Variants in TRPM7 observed in about 807,000 individuals in gnomAD.
TRPM7 encodes the protein LTRPC ion channel family member 7.
Under a neutral mutation model 229.7 loss-of-function variants are expected in TRPM7, and 134 were observed. That is an observed-to-expected ratio of 0.58 (90% confidence interval 0.51 to 0.67). The LOEUF is 0.67. Among genes scored for constraint, TRPM7 ranks in the 30% least tolerant of loss-of-function variants. The pLI is 0.00. For synonymous variants in TRPM7, 699 were observed against 715.2 expected (o/e 0.98, Z 0.36); for missense variants, 1,901 against 2,210.0 (o/e 0.86, Z 2.80).
At chr15:50,640,251 A>G (rs1031901412) in intron 5 of TRPM7, among the ~76,000 whole-genome samples, 1 of 152,082 alleles carries the variant, frequency 6.6e-6, no homozygotes, top group African/African-American at 2.4e-5. Context: ...TCCAAAGAGC[A>G]TATAACTCCT....
intron 1 of TRPM7, among the ~76,000 whole-genome samples, chr15:50,682,173 C>CAAAAAAAAAAAAAAA (rs34590459): frequency 0.03 from 1,891 of 63,208 alleles, 182 homozygotes; most frequent in South Asian, 0.041. Context: ...AACTCAGTCT[C>CAAAAAAAAAAAAAAA]AAAAAAAAAA....
rs746401918 is a variant in TRPM7, at chr15:50,609,653, T to G, written c.2508A>C (p.Ser836=). 2 of 1,612,768 alleles carry G rather than the reference T, an allele frequency of 1.2e-6. No homozygotes were observed. The highest frequency in any genetic ancestry group is 2.2e-5 in the South Asian group (2 of 90,744). The change falls in exon 19 of 39, where the codon TCA becomes TCC. Residue 836 remains serine, a synonymous_variant. Transcript: ENST00000646667. ...GKNEMEIQMK[S]KKLPITRKFY... is the part of the protein sequence containing the mutation. ...ACTTTCGCGTAATTGGAAGCTTTTT[T>G]GATTTCATTTGTATCTCCATCTCAT...
chr15:50,619,073 T>C (rs138764749), intron 13 of TRPM7, among the ~76,000 whole-genome samples: 275 of 152,250 alleles, frequency 1.8e-3, no homozygotes, highest in African/African-American at 6.2e-3. Context: ...TTCAACATCC[T>C]TTACATTGGG....
rs2060059926 is a variant in TRPM7 at position 50,611,446 on chromosome 15, C to T, written c.2052-125G>A. 16 of 709,654 alleles carry T rather than the reference C, an allele frequency of 2.3e-5. No individual in the cohort carries two copies. In the South Asian group the frequency reaches 3.0e-4, roughly 13 times the overall value. The allele number at this position is 709,654 out of a possible 1,614,324, so 44.0% of individuals were successfully genotyped here. Reference sequence around the variant, plus strand: ...CACACACACTTACAGAATTATGAGGCATTAAAACCATAACTCTGTTTTCAG... The same window carrying T: ...CACACACACTTACAGAATTATGAGGTATTAAAACCATAACTCTGTTTTCAG... On this transcript the variant is annotated intron_variant, in intron 16 of 38. Transcript: ENST00000646667.
intron 1 of TRPM7, among the ~76,000 whole-genome samples, chr15:50,663,706 C>T (rs2061797156): frequency 6.6e-6 from 1 of 152,138 alleles, no homozygotes; most frequent in Admixed American, 6.5e-5. Context: ...TAGCTCACAC[C>T]TGTAATCTCA....
chr15:50,621,075 C>T (rs1048312517), intron 12 of TRPM7, among the ~76,000 whole-genome samples: 4 of 146,650 alleles, frequency 2.7e-5, no homozygotes, highest in Non-Finnish European at 5.9e-5. Flanking sequence ...AGGAGAATGC[C>T]GTGAACCCCT....
intron 30 of TRPM7, among the ~76,000 whole-genome samples, chr15:50,580,250 T>C (rs905989921): frequency 1.2e-4 from 18 of 152,242 alleles, no homozygotes; most frequent in Non-Finnish European, 2.5e-4. Flanking sequence ...TTTGGAATTC[T>C]ACAATACTAA....
chr15:50,639,704 C>T (rs2061029758), intron 5 of TRPM7, among the ~76,000 whole-genome samples, 156 bp from the exon 6 acceptor site: 1 of 151,372 alleles, frequency 6.6e-6, no homozygotes, highest in African/African-American at 2.4e-5. Context: ...GTAGGTGGGA[C>T]TACAGGTGCG....
intron 13 of TRPM7, among the ~76,000 whole-genome samples, chr15:50,617,489 G>T (rs1489301369): frequency 2.7e-5 from 4 of 150,924 alleles, no homozygotes; most frequent in African/African-American, 9.7e-5. Flanking sequence ...GGCAAGAAAG[G>T]GCAAAACTTC....
chr15:50,678,555 CAT>C (rs2062156804), intron 1 of TRPM7, among the ~76,000 whole-genome samples: 1 of 143,954 alleles, frequency 6.9e-6, no homozygotes, highest in Admixed American at 7.0e-5. Context: ...CACACACACA[CAT>C]ATACATAATT....
At chr15:50,676,634 G>C (rs182952225) in intron 1 of TRPM7, among the ~76,000 whole-genome samples, 1 of 152,028 alleles carries the variant, frequency 6.6e-6, no homozygotes, top group East Asian at 1.9e-4. Flanking sequence ...GCAGAAACCA[G>C]ACGGAGTCTA....
intron 12 of TRPM7, among the ~76,000 whole-genome samples, chr15:50,620,779 A>G (rs2060373199): frequency 6.6e-6 from 1 of 152,094 alleles, no homozygotes; most frequent in South Asian, 2.1e-4. Flanking sequence ...AAAAAAACAC[A>G]AAATTAGCCG....
chr15:50,674,819 T>C (rs1263422654), intron 1 of TRPM7, among the ~76,000 whole-genome samples: 4 of 152,144 alleles, frequency 2.6e-5, no homozygotes, highest in African/African-American at 9.7e-5. Context: ...TGGGTTTGTT[T>C]TTGTTTTTTT....
At chr15:50,619,391 T>C (rs867412829) in intron 13 of TRPM7, among the ~76,000 whole-genome samples, 3 of 151,974 alleles carry the variant, frequency 2.0e-5, no homozygotes, top group Non-Finnish European at 1.5e-5. Context: ...CAGGTAATTT[T>C]TTTAACTTTT....
chr15:50,560,529 A>G lies in TRPM7; in HGVS notation c.*1149T>C, dbSNP rs1056390819. On this transcript the variant is annotated 3_prime_UTR_variant, in exon 39 of 39. Transcript: ENST00000646667. ...AATTAAAATTAGTACCAAGGAAACA[A>G]AAGAAAAAGAAAAAAAAAGAAAAAA... 5.9e-5 allele frequency: 9 copies of G among 152,508 alleles called. No homozygotes were observed. The highest frequency in any genetic ancestry group is 1.5e-5 in the Non-Finnish European group (1 of 68,024). 9.4% of individuals were successfully genotyped at this position (152,508 alleles called of 1,614,324 possible).
intron 16 of TRPM7, 58 bp downstream of exon 16, chr15:50,612,487 CCACT>C (rs1567007684): frequency 9.5e-6 from 14 of 1,479,438 alleles, no homozygotes; most frequent in South Asian, 1.3e-5. Flanking sequence ...ACTGTAACAG[CCACT>C]CAAACAATAC....
chr15:50,629,101 A>G (rs886824549), intron 10 of TRPM7, among the ~76,000 whole-genome samples: 1 of 151,870 alleles, frequency 6.6e-6, no homozygotes, highest in Non-Finnish European at 1.5e-5. Flanking sequence ...TTTCATGCAC[A>G]TGCTTGATTA....
chr15:50,574,615 C>T (rs2054047140), intron 35 of TRPM7, 22 bp downstream of exon 35: 6 of 1,597,266 alleles, frequency 3.8e-6, no homozygotes, highest in Admixed American at 1.8e-5. Flanking sequence ...TAAAAGATCC[C>T]AGAAAAAAAT....
intron 4 of TRPM7, among the ~76,000 whole-genome samples, chr15:50,644,430 A>G (rs1054964500): frequency 6.6e-6 from 1 of 152,188 alleles, no homozygotes; most frequent in African/African-American, 2.4e-5. Context: ...TCTCTAAGAA[A>G]CCTTATTTGC....
Sources: allele counts gnomAD v4.1 joint callset (sites outside exome capture counted in the v4.1 genomes callset), GRCh38; gene constraint gnomAD v4.1.1; transcripts MANE v1.5; gene names NCBI Gene and HGNC (gene_info 2026-07-23, HGNC 2026-07-21).